Variants in DOCK1 observed in about 807,000 individuals in gnomAD.
The protein encoded by DOCK1 is dedicator of cytokinesis protein 1.
Under a neutral mutation model 262.7 loss-of-function variants are expected in DOCK1, and 138 were observed. The observed-to-expected ratio is 0.53, with a 90% CI of 0.46 to 0.61. DOCK1 has a LOEUF of 0.61. DOCK1 is among the 20% of genes least tolerant of loss of function. The pLI is 0.00. For synonymous variants in DOCK1, 866 were observed against 867.4 expected, an observed-to-expected ratio of 1.00 and a Z score of 0.03; for missense variants, 1,908 against 2,370.7, an observed-to-expected ratio of 0.80 and a Z score of 4.05.
At chr10:127,042,880 T>A (rs943869896) in intron 20 of DOCK1, among the ~76,000 whole-genome samples, 166 bp downstream of exon 20, 2 of 152,186 alleles carry the variant, frequency 1.3e-5, no homozygotes, top group African/African-American at 4.8e-5. Context: ...CTCTTTTTTT[T>A]AAATGTAAAA....
intron 29 of DOCK1, among the ~76,000 whole-genome samples, chr10:127,302,513 CAT>C (rs2061716317): frequency 6.6e-6 from 1 of 152,132 alleles, no homozygotes; most frequent in Non-Finnish European, 1.5e-5. Context: ...GGACAGCAAA[CAT>C]ATTTTCCCCC....
intron 38 of DOCK1, among the ~76,000 whole-genome samples, chr10:127,397,013 T>C (rs1355231087): frequency 7.3e-6 from 1 of 137,342 alleles, no homozygotes; most frequent in Non-Finnish European, 1.6e-5. Context: ...GACTCCTATG[T>C]GATCTGAGCA....
At chr10:127,080,616 G>C (rs986530350) in intron 23 of DOCK1, among the ~76,000 whole-genome samples, 2 of 152,012 alleles carry the variant, frequency 1.3e-5, no homozygotes, top group Non-Finnish European at 2.9e-5. Flanking sequence ...TCATGACATC[G>C]TGCAGAGCTG....
chr10:127,091,911 C>T (rs1010564646), intron 23 of DOCK1, among the ~76,000 whole-genome samples: 3 of 152,120 alleles, frequency 2.0e-5, no homozygotes, highest in Non-Finnish European at 4.4e-5. Flanking sequence ...TGGGAGAAAG[C>T]ATGACAAGTT....
At position 127,373,803 on chromosome 10, in the gene DOCK1, A is replaced by G; in HGVS notation, c.3455A>G (p.Lys1152Arg). ...TAGTTTGAAAATGAGATCATCACCA[A>G]GCTGGATCATGAAGTCGAAGGAGGC... is the stretch of plus-strand genomic sequence containing the variant. ...FQMFENEIIT[K>R]LDHEVEGGRG... is the part of the protein sequence containing the mutation. The change falls in exon 34 of 52, where the codon AAG becomes AGG. Residue 1152 changes from lysine (K) to arginine (R), a missense_variant. Physicochemically the swap from Lys to Arg is conservative, Grantham distance 26. Coordinates refer to ENST00000623213, the MANE Select transcript of DOCK1 (RefSeq NM_001290223.2). 1 of 1,611,714 alleles carries G rather than the reference A, an allele frequency of 6.2e-7. No individual in the cohort carries two copies. Among genetic ancestry groups the G allele is most frequent in the Non-Finnish European group, 8.5e-7 (1 of 1,178,934 alleles).
chr10:127,185,474 C>T (rs967711155), intron 27 of DOCK1, among the ~76,000 whole-genome samples: 5 of 152,088 alleles, frequency 3.3e-5, no homozygotes, highest in African/African-American at 9.7e-5. Flanking sequence ...TGCAGTGAGC[C>T]GAGATTGCAC....
chr10:126,934,660 A>G (rs1009905422), intron 1 of DOCK1, among the ~76,000 whole-genome samples: 11 of 151,450 alleles, frequency 7.3e-5, no homozygotes, highest in Admixed American at 1.3e-4. Flanking sequence ...ATGTGTGTCA[A>G]CTTAACCTAC....
chr10:127,339,648 T>C (rs2720964), intron 30 of DOCK1, among the ~76,000 whole-genome samples: 32,958 of 143,738 alleles, frequency 0.23, 3,872 homozygotes, highest in East Asian at 0.38. Flanking sequence ...TGTGTGTGTG[T>C]GCGCGCGCGC....
intron 35 of DOCK1, among the ~76,000 whole-genome samples, chr10:127,378,704 G>T (rs967498515): frequency 6.6e-6 from 1 of 152,210 alleles, no homozygotes; most frequent in African/African-American, 2.4e-5. Flanking sequence ...GAGTACAAAA[G>T]GGGATGGTGT....
At chr10:127,250,524 C>T (rs76683067) in intron 28 of DOCK1, among the ~76,000 whole-genome samples, 44,399 of 151,870 alleles carry the variant, frequency 0.29, 7,392 homozygotes, top group South Asian at 0.55. Context: ...GGCGTGGTGG[C>T]TCACGCCTGT....
At chr10:127,040,959 C>T (rs114420881) in intron 19 of DOCK1, among the ~76,000 whole-genome samples, 468 of 152,226 alleles carry the variant, frequency 3.1e-3, no homozygotes, top group African/African-American at 0.011. Flanking sequence ...CTTCCTGTCT[C>T]GATGGATTTA....
chr10:127,238,171 A>T (rs535707585), intron 27 of DOCK1, among the ~76,000 whole-genome samples: 1 of 152,284 alleles, frequency 6.6e-6, no homozygotes, highest in East Asian at 1.9e-4. Flanking sequence ...CTTCCCTGTG[A>T]GGTTTTCCCT....
chr10:126,939,204 G>T (rs2034806580), intron 1 of DOCK1, among the ~76,000 whole-genome samples: 1 of 152,084 alleles, frequency 6.6e-6, no homozygotes, highest in African/African-American at 2.4e-5. Flanking sequence ...TTCTATAAGG[G>T]GCCTGATTCC....
At chr10:127,416,519 G>A (rs2068162534) in intron 44 of DOCK1, among the ~76,000 whole-genome samples, 1 of 152,210 alleles carries the variant, frequency 6.6e-6, no homozygotes, top group South Asian at 2.1e-4. Context: ...TGAGGATGCA[G>A]CTTCTCCTCG....
intron 28 of DOCK1, among the ~76,000 whole-genome samples, chr10:127,249,390 TACAC>T (rs377178709): frequency 4.1e-5 from 2 of 48,864 alleles, no homozygotes; most frequent in South Asian, 2.5e-3. Flanking sequence ...TGTACATATA[TACAC>T]ACATATATAC....
intron 28 of DOCK1, among the ~76,000 whole-genome samples, chr10:127,250,980 G>C (rs79341777): frequency 6.7e-6 from 1 of 149,890 alleles, no homozygotes; most frequent in East Asian, 2.0e-4. Flanking sequence ...TTTTTTTTTT[G>C]AGACAGAGTT....
Position 127,164,578 on chromosome 10 carries a change from G to T in DOCK1, c.2847+36814G>T, listed in dbSNP as rs997331450. ...AGCCATCATGCATGATGAAGAAAATGGAATGCATCAGTATTTTATAGACAT... is the reference window on the plus strand; with the variant it reads ...AGCCATCATGCATGATGAAGAAAATTGAATGCATCAGTATTTTATAGACAT... On this transcript the variant is annotated intron_variant, in intron 27 of 51. Transcript: ENST00000623213. 2.6e-5 allele frequency among the ~76,000 whole-genome samples: 4 copies of T among 152,168 alleles called. No homozygotes were observed. In the East Asian group the frequency reaches 7.7e-4, roughly 29 times the overall value.
At chr10:127,142,919 C>T (rs1180648166) in intron 27 of DOCK1, among the ~76,000 whole-genome samples, 1 of 152,140 alleles carries the variant, frequency 6.6e-6, no homozygotes, top group Non-Finnish European at 1.5e-5. Flanking sequence ...TGTACATTTC[C>T]AAAGAAAGAA....
At chr10:127,198,865 G>C (rs4333930) in intron 27 of DOCK1, among the ~76,000 whole-genome samples, 18 of 151,908 alleles carry the variant, frequency 1.2e-4, no homozygotes, top group Non-Finnish European at 2.2e-4. Flanking sequence ...GCTCTGGAGA[G>C]ATATTCCACA....
Sources: allele counts gnomAD v4.1 joint callset (sites outside exome capture counted in the v4.1 genomes callset), GRCh38; gene constraint gnomAD v4.1.1; transcripts MANE v1.5; gene names NCBI Gene and HGNC (gene_info 2026-07-23, HGNC 2026-07-21).